The following ADAMTS2 variants were observed in gnomAD, a reference collection of about 807,000 sequenced individuals.
The protein encoded by ADAMTS2 is ADAM metallopeptidase with thrombospondin type 1 motif 2, also known as A disintegrin and metalloproteinase with thrombospondin motifs 2.
Under a neutral mutation model 123.0 loss-of-function variants are expected in ADAMTS2, and 50 were observed. The observed-to-expected ratio is 0.41, with a 90% CI of 0.32 to 0.51. The LOEUF (loss-of-function observed/expected upper bound fraction) is 0.51. ADAMTS2 is among the 20% of genes least tolerant of loss of function. The pLI is 0.35. For missense variants in ADAMTS2, 1,494 were observed against 1,705.2 expected, an observed-to-expected ratio of 0.88 and a Z score of 2.18; for synonymous variants, 678 against 695.4, an observed-to-expected ratio of 0.98 and a Z score of 0.39.
Position 179,158,605 on chromosome 5 carries a change from G to A in ADAMTS2, c.1132+118C>T, listed in dbSNP as rs1249443977. 74 of 1,408,808 alleles carry A rather than the reference G, an allele frequency of 5.3e-5. No homozygotes were observed. The highest frequency in any genetic ancestry group is 6.9e-5 in the East Asian group (3 of 43,408). The allele number at this position is 1,408,808 out of a possible 1,614,324, so 87.3% of individuals were successfully genotyped here. A position where few individuals can be genotyped will look rare whatever the true frequency, so the allele number is the denominator to read the frequency against. On this transcript the variant is annotated intron_variant, in intron 6 of 21. Coordinates refer to ENST00000251582, the MANE Select transcript of ADAMTS2 (RefSeq NM_014244.5). The surrounding 1 kb of genome is among the most constrained non-coding windows in gnomAD (Gnocchi z 5.0). ...ACCCTCACCCAGCTAAGGTGGCCAC[G>A]GCCTTCCCTGCCCTGACACTCTTCC... is the stretch of plus-strand genomic sequence containing the variant.
intron 2 of ADAMTS2, among the ~76,000 whole-genome samples, chr5:179,343,506 A>C (rs920634586): frequency 2.6e-5 from 4 of 152,226 alleles, no homozygotes; most frequent in Non-Finnish European, 5.9e-5. Context: ...GGCAAAAGAG[A>C]GAGGCGCACG....
At chr5:179,339,529 A>C (rs1371857798) in intron 2 of ADAMTS2, among the ~76,000 whole-genome samples, 1 of 152,198 alleles carries the variant, frequency 6.6e-6, no homozygotes. Flanking sequence ...TCTGTCACTT[A>C]AACTGAGCAA....
At chr5:179,316,710 A>G (rs976724001) in intron 2 of ADAMTS2, among the ~76,000 whole-genome samples, 2 of 152,176 alleles carry the variant, frequency 1.3e-5, no homozygotes, top group Non-Finnish European at 2.9e-5. Flanking sequence ...TTGGGAGGCC[A>G]AGAACCGCTT....
intron 1 of ADAMTS2, among the ~76,000 whole-genome samples, chr5:179,344,456 C>T (rs1369823957): frequency 6.6e-6 from 1 of 152,218 alleles, no homozygotes; most frequent in African/African-American, 2.4e-5. Flanking sequence ...CGGTGGGAAC[C>T]TCCCCGTGCC....
chr5:179,163,638 A>G (rs1249624758), intron 5 of ADAMTS2, among the ~76,000 whole-genome samples: 1 of 151,956 alleles, frequency 6.6e-6, no homozygotes, highest in Non-Finnish European at 1.5e-5. Context: ...CTGGCCGATC[A>G]CCTCTCTCCT....
intron 2 of ADAMTS2, among the ~76,000 whole-genome samples, chr5:179,302,407 A>AG (rs1274062568): frequency 2.9e-5 from 4 of 137,390 alleles, no homozygotes; most frequent in African/African-American, 1.1e-4. Flanking sequence ...AAAAAAAAAA[A>AG]GCGGGGGAGT....
intron 2 of ADAMTS2, among the ~76,000 whole-genome samples, chr5:179,297,369 C>T (rs560032592): frequency 2.0e-5 from 3 of 152,170 alleles, no homozygotes; most frequent in East Asian, 1.9e-4. Context: ...GCCTGTCAGC[C>T]GTAGCCTCCC....
intron 2 of ADAMTS2, among the ~76,000 whole-genome samples, chr5:179,329,364 C>A (rs896786577): frequency 2.8e-4 from 42 of 150,832 alleles, no homozygotes; most frequent in African/African-American, 1.0e-3. Context: ...CCCAGAAAGG[C>A]CAGAAATAAA....
intron 4 of ADAMTS2, among the ~76,000 whole-genome samples, chr5:179,200,304 A>G (rs1182548716): frequency 7.6e-6 from 1 of 132,134 alleles, no homozygotes; most frequent in East Asian, 2.1e-4. Flanking sequence ...ACTGGAGTGC[A>G]GTGGCGTCAC....
In ADAMTS2 at chr5:179,112,051, T is replaced by C. The variant is rs897015347; in HGVS notation, c.*1816A>G. ...ACTGAAGCATCAGCCCAGATTCCGT[T>C]CTTGCTGGTTCCTACATCGTCATTT... is the stretch of plus-strand genomic sequence containing the variant. On this transcript the variant is annotated 3_prime_UTR_variant, in exon 22 of 22. Coordinates refer to ENST00000251582, the MANE Select transcript of ADAMTS2 (RefSeq NM_014244.5). The C allele has an allele frequency of 6.6e-6, 1 of 152,298 alleles. No individual in the cohort carries two copies. The highest frequency in any genetic ancestry group is 2.4e-5 in the African/African-American group (1 of 41,470). 9.4% of individuals were successfully genotyped at this position (152,298 alleles called of 1,614,324 possible). A position where few individuals can be genotyped will look rare whatever the true frequency, so the allele number is the denominator to read the frequency against.
intron 3 of ADAMTS2, among the ~76,000 whole-genome samples, chr5:179,217,347 C>T (rs1765006381): frequency 6.6e-6 from 1 of 152,212 alleles, no homozygotes. Flanking sequence ...CAAAAATGTA[C>T]ACTAAGGAAA....
chr5:179,191,888 G>GT (rs11399790), intron 4 of ADAMTS2, among the ~76,000 whole-genome samples: 1 of 152,068 alleles, frequency 6.6e-6, no homozygotes, highest in Non-Finnish European at 1.5e-5. Flanking sequence ...CCAGAAGGGG[G>GT]TGTGTGGGAT....
intron 5 of ADAMTS2, among the ~76,000 whole-genome samples, chr5:179,164,300 T>C (rs1763655763): frequency 6.6e-6 from 1 of 152,216 alleles, no homozygotes; most frequent in Non-Finnish European, 1.5e-5. Flanking sequence ...ATTGACCTTG[T>C]GCCCAGAGGC....
chr5:179,146,261 T>A (rs150062496), intron 10 of ADAMTS2, among the ~76,000 whole-genome samples: 1 of 152,240 alleles, frequency 6.6e-6, no homozygotes, highest in Non-Finnish European at 1.5e-5. Flanking sequence ...TGGCCAGCAC[T>A]TGGCCCTGGC....
At position 179,317,813 on chromosome 5, in the gene ADAMTS2, A is replaced by C. The variant is rs1757044793; in HGVS notation, c.534+25954T>G. ...CATCGCCAGCTGGGGAGAGTGGAGC[A>C]GACGTACAGGATGGAGGGTAGAGGT... On this transcript the variant is annotated intron_variant, in intron 2 of 21. Coordinates refer to ENST00000251582, the MANE Select transcript of ADAMTS2 (RefSeq NM_014244.5). The surrounding 1 kb of genome is among the most constrained non-coding windows in gnomAD (Gnocchi z 4.9). 6.6e-6 allele frequency among the ~76,000 whole-genome samples: 1 copy of C among 152,164 alleles called. No homozygotes were observed. The highest frequency in any genetic ancestry group is 1.5e-5 in the Non-Finnish European group (1 of 68,010).
chr5:179,296,271 G>A (rs921318868), intron 2 of ADAMTS2, among the ~76,000 whole-genome samples: 1 of 152,070 alleles, frequency 6.6e-6, no homozygotes, highest in African/African-American at 2.4e-5. Context: ...GACAATGATG[G>A]GACCCGGGAG....
At chr5:179,151,824 ACCCACAGTG>A (rs1763361389) in intron 10 of ADAMTS2, among the ~76,000 whole-genome samples, 1 of 152,034 alleles carries the variant, frequency 6.6e-6, no homozygotes, top group African/African-American at 2.4e-5. Flanking sequence ...AGGTGAGGTG[ACCCACAGTG>A]CCCAGGGGTG....
At position 179,188,420 on chromosome 5, in the gene ADAMTS2, G is replaced by A. The variant is rs1474499480; in HGVS notation, c.892-7265C>T. Among the ~76,000 whole-genome samples the A allele has an allele frequency of 6.6e-6, 1 of 152,240 alleles. No homozygotes were observed. The highest frequency in any genetic ancestry group is 1.5e-5 in the Non-Finnish European group (1 of 68,046). The stretch of plus-strand genomic sequence containing the variant: ...AGCCAGGAGCAGGGGACAGAGGTCT[G>A]CTGGCCTCCGTGGAGGAAGAGTTTA... On this transcript the variant is annotated intron_variant, in intron 4 of 21. Coordinates refer to ENST00000251582, the MANE Select transcript of ADAMTS2 (RefSeq NM_014244.5). The surrounding 1 kb of genome is among the most constrained non-coding windows in gnomAD (Gnocchi z 5.1).
chr5:179,143,390 G>A (rs1365653417), intron 10 of ADAMTS2, among the ~76,000 whole-genome samples: 1 of 148,426 alleles, frequency 6.7e-6, no homozygotes. Flanking sequence ...CTGAGATCGC[G>A]CCACTGCGCT....
Sources: gnomAD v4.1 joint callset for allele counts (sites outside exome capture counted in the v4.1 genomes callset) on GRCh38, gnomAD v4.1.1 for gene constraint, Gnocchi (gnomAD v3.1) non-coding constraint, MANE v1.5 for transcripts, NCBI Gene and HGNC (gene_info 2026-07-23, HGNC 2026-07-21) for gene names.